Variants in TSHZ2 observed in about 807,000 individuals in gnomAD.
TSHZ2 encodes the protein teashirt homolog 2.
A neutral mutation model predicts 74.4 loss-of-function variants in TSHZ2; 21 were observed. The observed-to-expected ratio is 0.28, with a 90% confidence interval of 0.20 to 0.41. The LOEUF (loss-of-function observed/expected upper bound fraction) is 0.41, where lower values mean the gene tolerates loss of function less well. Among genes scored for constraint, TSHZ2 ranks in the 10% least tolerant of loss-of-function variants. TSHZ2 has a pLI of 1.00. For missense variants in TSHZ2, 1,244 were observed against 1,293.5 expected (o/e 0.96, Z 0.59); for synonymous variants, 540 against 515.3 (o/e 1.05, Z -0.65).
intron 1 of TSHZ2, among the ~76,000 whole-genome samples, chr20:53,040,805 T>C (rs1353345563): frequency 6.6e-6 from 1 of 152,116 alleles, no homozygotes; most frequent in Non-Finnish European, 1.5e-5. Flanking sequence ...GGGGCCCAGG[T>C]TGCATCAGCT....
chr20:53,326,037 C>T (rs1979480012), intron 2 of TSHZ2, among the ~76,000 whole-genome samples: 1 of 152,186 alleles, frequency 6.6e-6, no homozygotes, highest in Admixed American at 6.5e-5. Context: ...CCTCCTCAGC[C>T]TCCCAAAGTG....
intron 2 of TSHZ2, among the ~76,000 whole-genome samples, chr20:53,340,110 CA>C: frequency 6.6e-6 from 1 of 151,956 alleles, no homozygotes; most frequent in East Asian, 1.9e-4. Flanking sequence ...CAATAAATGC[CA>C]ATGCCTGGTG....
chr20:53,253,982 A>G lies in TSHZ2; in HGVS notation c.524A>G (p.Lys175Arg). The change falls in exon 2 of 3, where the codon AAA (lysine) becomes AGA (arginine). Residue 175 changes from lysine (K) to arginine (R), a missense_variant. Transcript: ENST00000371497. ...DFDWHQDALS[K>R]SLQQNLPSRS... Reference sequence around the variant, plus strand: ...GATTGGCACCAAGACGCTCTGTCCAAAAGCCTGCAGCAGAACTTGCCTTCT... The same window carrying G: ...GATTGGCACCAAGACGCTCTGTCCAGAAGCCTGCAGCAGAACTTGCCTTCT... 2.5e-6 allele frequency: 4 copies of G among 1,614,158 alleles called. No individual in the cohort carries two copies. Among genetic ancestry groups the G allele is most frequent in the Non-Finnish European group, 3.4e-6 (4 of 1,180,024 alleles).
intron 1 of TSHZ2, among the ~76,000 whole-genome samples, chr20:53,077,285 C>T (rs1402062218): frequency 6.6e-6 from 1 of 151,498 alleles, no homozygotes; most frequent in African/African-American, 2.4e-5. Context: ...GTGGCGTGTG[C>T]GTGTAATCCC....
At position 53,253,807 on chromosome 20, in the gene TSHZ2, G is replaced by A. The variant is rs367709263; in HGVS notation, c.349G>A (p.Glu117Lys). The change falls in exon 2 of 3, where the codon GAA (glutamate) becomes AAA (lysine). Residue 117 changes from glutamate to lysine, a missense_variant. By Grantham distance (56) the Glu-to-Lys change is moderately conservative. Transcript: ENST00000371497. ...KAHTHVRLPN[E>K]AHNCMDKMTA... Reference sequence around the variant, plus strand: ...ACACACTCACGTCAGGCTTCCAAACGAAGCACACAATTGCATGGATAAAAT... The same window carrying A: ...ACACACTCACGTCAGGCTTCCAAACAAAGCACACAATTGCATGGATAAAAT... 2.0e-5 allele frequency: 32 copies of A among 1,614,024 alleles called. No homozygotes were observed. The highest frequency in any genetic ancestry group is 2.7e-5 in the African/African-American group (2 of 74,916).
intron 2 of TSHZ2, among the ~76,000 whole-genome samples, chr20:53,259,453 T>C (rs896244593): frequency 2.6e-5 from 4 of 152,264 alleles, no homozygotes; most frequent in Non-Finnish European, 5.9e-5. Flanking sequence ...TTTCAATATG[T>C]ATTTGTATAT....
At chr20:53,391,924 CAG>C (rs1364351960) in intron 2 of TSHZ2, among the ~76,000 whole-genome samples, 2 of 152,026 alleles carry the variant, frequency 1.3e-5, no homozygotes, top group Non-Finnish European at 2.9e-5. Context: ...GCGTGGGTGA[CAG>C]AGAGACTTTG....
intron 1 of TSHZ2, among the ~76,000 whole-genome samples, chr20:53,247,787 T>G (rs1032179937): frequency 6.6e-6 from 1 of 152,234 alleles, no homozygotes; most frequent in Non-Finnish European, 1.5e-5. Flanking sequence ...AATGAGGTCT[T>G]GGTTGAATTC....
chr20:53,116,749 T>C (rs920491629), intron 1 of TSHZ2, among the ~76,000 whole-genome samples: 1 of 152,138 alleles, frequency 6.6e-6, no homozygotes, highest in Non-Finnish European at 1.5e-5. Flanking sequence ...AAATGTTTGT[T>C]TAGTATATTG....
intron 2 of TSHZ2, among the ~76,000 whole-genome samples, chr20:53,479,369 C>CTAGTAACA (rs1986085201): frequency 6.6e-6 from 1 of 152,088 alleles, no homozygotes; most frequent in Non-Finnish European, 1.5e-5. Context: ...ATGGACCACC[C>CTAGTAACA]TCAGAGTAAC....
chr20:53,361,924 T>TG (rs35669499), intron 2 of TSHZ2, among the ~76,000 whole-genome samples: 120,631 of 146,656 alleles, frequency 0.82, 48,466 homozygotes, highest in Middle Eastern at 0.88. Context: ...TGTTTTGTGT[T>TG]TTTTTTTTTT....
chr20:53,194,909 G>C (rs557930353), intron 1 of TSHZ2, among the ~76,000 whole-genome samples: 60 of 152,216 alleles, frequency 3.9e-4, no homozygotes, highest in Non-Finnish European at 7.2e-4. Context: ...AAAGATTACA[G>C]AATGAGTGCA....
chr20:52,985,541 A>G (rs1051168863), intron 1 of TSHZ2, among the ~76,000 whole-genome samples: 1 of 152,180 alleles, frequency 6.6e-6, no homozygotes, highest in Non-Finnish European at 1.5e-5. Flanking sequence ...ATACCAGTGA[A>G]GCACTTCAAA....
rs139572570 is a variant in TSHZ2, at chr20:53,068,129, G to T, written c.40+94796G>T. On this transcript the variant is annotated intron_variant, in intron 1 of 2. Transcript: ENST00000371497. ...CTGGACAAGGACCAATCCTAAAGAC[G>T]TCATCTTAAGCTGATTACACCTGCA... Among the ~76,000 whole-genome samples, 172 of 152,264 alleles carry T rather than the reference G, an allele frequency of 1.1e-3. No individual in the cohort carries two copies. The Middle Eastern group carries it at 0.017, about 15-fold the overall frequency.
intron 1 of TSHZ2, among the ~76,000 whole-genome samples, chr20:53,066,593 C>T (rs574578930): frequency 1.2e-4 from 19 of 152,196 alleles, no homozygotes; most frequent in Admixed American, 2.6e-4. Context: ...CTGCAACCTC[C>T]GCCTCCTGGG....
At chr20:53,394,761 C>CAAAAAAAAAAAAAAAAAAAAAAAAA (rs3042185) in intron 2 of TSHZ2, among the ~76,000 whole-genome samples, 2 of 72,370 alleles carry the variant, frequency 2.8e-5, no homozygotes, top group African/African-American at 1.1e-4. Flanking sequence ...CAATCTGTCT[C>CAAAAAAAAAAAAAAAAAAAAAAAAA]AAAAAAAAAA....
intron 2 of TSHZ2, among the ~76,000 whole-genome samples, chr20:53,465,269 TTGTGTGTGTG>T (rs149559919): frequency 6.6e-6 from 1 of 150,564 alleles, no homozygotes; most frequent in Admixed American, 6.6e-5. Flanking sequence ...GTTATTACTT[TTGTGTGTGTG>T]TGTGTGTGTG....
At chr20:53,155,976 C>T (rs758703963) in intron 1 of TSHZ2, among the ~76,000 whole-genome samples, 1 of 152,078 alleles carries the variant, frequency 6.6e-6, no homozygotes, top group East Asian at 1.9e-4. Flanking sequence ...GGAGGTTTTA[C>T]ATATGTCTCT....
intron 2 of TSHZ2, among the ~76,000 whole-genome samples, chr20:53,339,536 T>A (rs574651699): frequency 6.6e-6 from 1 of 152,346 alleles, no homozygotes; most frequent in Non-Finnish European, 1.5e-5. Context: ...CACAGCCAGC[T>A]ACATGATTTT....
Sources: allele counts gnomAD v4.1 joint callset (sites outside exome capture counted in the v4.1 genomes callset), GRCh38; gene constraint gnomAD v4.1.1; transcripts MANE v1.5; gene names NCBI Gene and HGNC (gene_info 2026-07-23, HGNC 2026-07-21).